The following EXOC2 variants were observed in gnomAD, a reference collection of about 807,000 sequenced individuals.
EXOC2 encodes SEC5-like 1.
In EXOC2, 70 loss-of-function variants were observed where a neutral mutation model predicts 131.8. That is an observed-to-expected ratio of 0.53 (90% CI 0.44 to 0.65). The LOEUF is 0.65. Ranked by LOEUF, EXOC2 falls within the 30% of genes least tolerant of loss-of-function variation. The pLI is 0.00. For missense variants in EXOC2, 923 were observed against 1,108.6 expected (o/e 0.83, Z 2.38); for synonymous variants, 411 against 398.4 (o/e 1.03, Z -0.38).
In EXOC2 at chr6:637,853, A is replaced by G; in HGVS notation, c.-35T>C. ...TGGAGCAAACTGGTGATCCTGTTAG[A>G]GAAGTAATCTGTTAAAAGAGAAAGA... On this transcript the variant is annotated 5_prime_UTR_variant, in exon 2 of 28. Coordinates refer to ENST00000230449, the MANE Select transcript of EXOC2 (RefSeq NM_018303.6). The G allele has an allele frequency of 1.3e-6, 2 of 1,584,110 alleles. No individual in the cohort carries two copies. The highest frequency in any genetic ancestry group is 1.7e-6 in the Non-Finnish European group (2 of 1,155,908).
In EXOC2 at chr6:592,488, G is replaced by A. The variant is rs1464328695; in HGVS notation, c.1173C>T (p.Gly391=). The change falls in exon 11 of 28, where the codon GGC becomes GGT. Residue 391 remains glycine (G), a synonymous_variant. Coordinates refer to ENST00000230449, the MANE Select transcript of EXOC2 (RefSeq NM_018303.6). ...CCTTGCCTTTCAGATCTTTCACGTA[G>A]CCCTCTTTGCAACTGTGCATGAGCT... ...ILQLMHSCKE[G]YVKDLKGNPG... The A allele has an allele frequency of 1.2e-6, 2 of 1,613,726 alleles. No individual in the cohort carries two copies. Among genetic ancestry groups the A allele is most frequent in the Admixed American group, 1.7e-5 (1 of 59,988 alleles).
At chr6:514,741 C>T (rs967937595) in intron 23 of EXOC2, among the ~76,000 whole-genome samples, 1 of 152,198 alleles carries the variant, frequency 6.6e-6, no homozygotes, top group Non-Finnish European at 1.5e-5. Flanking sequence ...AGGGGAGGAG[C>T]ACACACCACA....
At chr6:657,572 A>C (rs1763192977) in intron 1 of EXOC2, among the ~76,000 whole-genome samples, 1 of 152,218 alleles carries the variant, frequency 6.6e-6, no homozygotes, top group Admixed American at 6.5e-5. Context: ...ATATTTTTGT[A>C]CAAAATAGTT....
chr6:504,272 GGTCAGACGGAGAAGGTGAGGCAGAGGCC>G (rs1311565779), intron 23 of EXOC2, among the ~76,000 whole-genome samples: 1 of 152,248 alleles, frequency 6.6e-6, no homozygotes, highest in Non-Finnish European at 1.5e-5. Context: ...TTAAATGGGA[GGTCAGACGGAGAAGGTGAGGCAGAGGCC>G]GTCAGAGAGG....
intron 1 of EXOC2, chr6:656,436 T>C (rs1217269064): frequency 4.3e-6 from 7 of 1,613,672 alleles, no homozygotes; most frequent in Non-Finnish European, 5.9e-6. Flanking sequence ...CGCCATCCTC[T>C]CCACGATGCT....
intron 7 of EXOC2, among the ~76,000 whole-genome samples, chr6:601,322 C>G (rs36196771): frequency 0.033 from 302 of 9,172 alleles, 7 homozygotes; most frequent in African/African-American, 0.061. Flanking sequence ...AACACCCCGT[C>G]TGCGAATCCA....
intron 2 of EXOC2, among the ~76,000 whole-genome samples, chr6:634,250 T>C (rs1416863700): frequency 6.6e-6 from 1 of 151,998 alleles, no homozygotes; most frequent in African/African-American, 2.4e-5. Flanking sequence ...GTTGTTGTTT[T>C]GTTTTTGTAT....
chr6:611,123 T>C (rs1204132550), intron 6 of EXOC2, among the ~76,000 whole-genome samples: 1 of 152,236 alleles, frequency 6.6e-6, no homozygotes, highest in African/African-American at 2.4e-5. Context: ...AGATGGACTA[T>C]GCCTAAGCAT....
Position 576,874 on chromosome 6 carries a change from C to G in EXOC2, c.1201G>C (p.Gly401Arg). The G allele has an allele frequency of 6.2e-7, 1 of 1,613,812 alleles. No individual in the cohort carries two copies. Among genetic ancestry groups the G allele is most frequent in the East Asian group, 2.2e-5 (1 of 44,866 alleles). Residue 401 changes from glycine to arginine, a missense_variant, in exon 12 of 28, where the codon GGC becomes CGC. By Grantham distance (125) the Gly-to-Arg change is moderately radical. Transcript: ENST00000230449. The stretch of plus-strand genomic sequence containing the variant: ...AGATCCAACATGGGACTGTGCAGGC[C>G]TGGGTTACCTGGGGAAGAAAGGAGA... Reference protein sequence around the residue: ...GYVKDLKGNPGLHSPMLDLDN... With the variant: ...GYVKDLKGNPRLHSPMLDLDN...
chr6:534,040 A>C (rs576426532), intron 22 of EXOC2, among the ~76,000 whole-genome samples: 1 of 152,326 alleles, frequency 6.6e-6, no homozygotes, highest in African/African-American at 2.4e-5. Flanking sequence ...CCAGAGGTGA[A>C]ACATACAACT....
intron 1 of EXOC2, among the ~76,000 whole-genome samples, chr6:655,497 A>C (rs1003336888): frequency 6.6e-6 from 1 of 152,222 alleles, no homozygotes; most frequent in Non-Finnish European, 1.5e-5. Flanking sequence ...AGACATGCCT[A>C]TATTTCCTTG....
chr6:656,271 C>G (rs762857124), intron 1 of EXOC2: 1 of 1,614,226 alleles, frequency 6.2e-7, no homozygotes, highest in East Asian at 2.2e-5. Flanking sequence ...TTGCACCATG[C>G]TCTCCAGGTC....
At chr6:545,606 T>G (rs1756806455) in intron 22 of EXOC2, among the ~76,000 whole-genome samples, 1 of 152,198 alleles carries the variant, frequency 6.6e-6, no homozygotes, top group Non-Finnish European at 1.5e-5. Flanking sequence ...AAAGCCTATT[T>G]TAACCTATCG....
rs141795176 is a variant in EXOC2 at position 569,429 on chromosome 6, T to G, written c.1443+3091A>C. Among the ~76,000 whole-genome samples, 58 of 152,374 alleles carry G rather than the reference T, an allele frequency of 3.8e-4. No individual in the cohort carries two copies. In the East Asian group the frequency reaches 9.2e-3, roughly 24 times the overall value. ...AAACTGTTGGAAACTTCATCTAAAT[T>G]TTTAACGGATGGGCTCTTAATACAA... On this transcript the variant is annotated intron_variant, in intron 13 of 27. Coordinates refer to ENST00000230449, the MANE Select transcript of EXOC2 (RefSeq NM_018303.6).
intron 21 of EXOC2, among the ~76,000 whole-genome samples, chr6:551,557 T>C (rs76170777): frequency 0.017 from 2,648 of 152,262 alleles, 49 homozygotes; most frequent in African/African-American, 0.045. Flanking sequence ...GGGCTGACTC[T>C]TGTGCTCCAC....
intron 5 of EXOC2, 128 bp from the exon 6 acceptor site, chr6:617,963 G>T: frequency 9.4e-7 from 1 of 1,064,124 alleles, no homozygotes; most frequent in Non-Finnish European, 1.3e-6. Context: ...AATATCATAC[G>T]AAGCCAGATG....
At chr6:564,406 T>G (rs1414414087) in intron 15 of EXOC2, 139 bp downstream of exon 15, 1 of 1,262,974 alleles carries the variant, frequency 7.9e-7, no homozygotes, top group Non-Finnish European at 1.1e-6. Flanking sequence ...AGCTGTCAGA[T>G]GATGAACAGG....
At chr6:617,568 C>T in intron 6 of EXOC2, 143 bp downstream of exon 6, 1 of 1,199,724 alleles carries the variant, frequency 8.3e-7, no homozygotes, top group Non-Finnish European at 1.1e-6. Flanking sequence ...TGCCAGCCTA[C>T]TCTGCAACAA....
At chr6:488,150 G>A (rs1763193815) in intron 27 of EXOC2, among the ~76,000 whole-genome samples, 1 of 152,144 alleles carries the variant, frequency 6.6e-6, no homozygotes, top group Admixed American at 6.5e-5. Flanking sequence ...GACTGATGGT[G>A]GAAGGGCTGG....
Sources: allele counts gnomAD v4.1 joint callset (sites outside exome capture counted in the v4.1 genomes callset), GRCh38; gene constraint gnomAD v4.1.1; transcripts MANE v1.5; gene names NCBI Gene and HGNC (gene_info 2026-07-23, HGNC 2026-07-21).